The following ADGRE2 variants were observed in gnomAD, a reference collection of about 807,000 sequenced individuals.
ADGRE2 encodes CD97 antigen.
In ADGRE2, 83 loss-of-function variants were observed where a neutral mutation model predicts 100.8. That is an observed-to-expected ratio of 0.82 (90% CI 0.69 to 0.99). The LOEUF is 0.99. Among genes scored for constraint, ADGRE2 ranks in the 50% least tolerant of loss-of-function variants. The probability of loss-of-function intolerance (pLI) is 0.00; values close to 1 mark genes in which losing one functional copy is unlikely to be tolerated. For missense variants in ADGRE2, 814 were observed against 1,035.7 expected (o/e 0.79, Z 2.94); for synonymous variants, 355 against 413.0 (o/e 0.86, Z 1.70).
intron 11 of ADGRE2, among the ~76,000 whole-genome samples, chr19:14,761,046 A>C (rs1029332912): frequency 2.6e-5 from 4 of 152,196 alleles, no homozygotes; most frequent in Non-Finnish European, 4.4e-5. Flanking sequence ...GCATTTCTGG[A>C]CTGAACCAAT....
rs776195462 is a variant in ADGRE2, at chr19:14,766,196, T to C, written c.634+39A>G. The C allele has an allele frequency of 8.1e-6, 13 of 1,613,782 alleles. No individual in the cohort carries two copies. In the African/African-American group the frequency reaches 1.7e-4, roughly 22 times the overall value. Reference sequence around the variant, plus strand: ...GCGCCGTTGAACATGTGATCAGATGTTTGTGGGTCTCTGGGAACGTGGGAT... The same window carrying C: ...GCGCCGTTGAACATGTGATCAGATGCTTGTGGGTCTCTGGGAACGTGGGAT... On this transcript the variant is annotated intron_variant, in intron 7 of 20. Transcript: ENST00000315576.
intron 5 of ADGRE2, among the ~76,000 whole-genome samples, chr19:14,770,140 G>A (rs1428069760): frequency 6.6e-6 from 1 of 152,028 alleles, no homozygotes; most frequent in South Asian, 2.1e-4. Context: ...ATGGAGCCTC[G>A]TGGGAGGTGT....
downstream of ADGRE2, among the ~76,000 whole-genome samples, chr19:14,730,118 TCTCTGCTCACTGCAAC>T (rs1197189042): frequency 2.6e-5 from 4 of 152,190 alleles, no homozygotes; most frequent in Admixed American, 6.5e-5. Flanking sequence ...AATGGCACAA[TCTCTGCTCACTGCAAC>T]CTCTGCCTCC....
chr19:14,726,827 C>T, the ADGRE2 span, among the ~76,000 whole-genome samples: 1 of 152,114 alleles, frequency 6.6e-6, no homozygotes. Flanking sequence ...TGGTCACAAC[C>T]CTTTAACCAG....
chr19:14,737,684 A>C lies in ADGRE2; in HGVS notation c.2464-1440T>G, dbSNP rs192835149. ...TTGCAGTAAAGTATCTATCTGGGCC[A>C]GGTGTGGTGACTCACACCTGTAATC... On this transcript the variant is annotated intron_variant, in intron 20 of 20. Transcript: ENST00000315576. Among the ~76,000 whole-genome samples the C allele has an allele frequency of 9.9e-4, 150 of 152,218 alleles. 1 individual carries two copies. Among genetic ancestry groups the C allele is most frequent in the Middle Eastern group, 3.4e-3 (1 of 294 alleles).
rs139372786 is a variant in ADGRE2, at chr19:14,755,787, A to G, written c.1283T>C (p.Leu428Pro). Residue 428 changes from leucine to proline, a missense_variant, in exon 13 of 21, where the codon CTT becomes CCT. Coordinates refer to ENST00000315576, the MANE Select transcript of ADGRE2 (RefSeq NM_013447.4). ...CAAGCCCTGGTGTGTCTCATGCAGAAGCATCTGCTTCTCAGGTTCCAGGAC... is the reference window on the plus strand; with the variant it reads ...CAAGCCCTGGTGTGTCTCATGCAGAGGCATCTGCTTCTCAGGTTCCAGGAC... ...PLVLEPEKQM[L>P]LHETHQGLLQ... 955 of 1,614,170 alleles carry G rather than the reference A, an allele frequency of 5.9e-4. No individual in the cohort carries two copies. Among genetic ancestry groups the G allele is most frequent in the Non-Finnish European group, 6.3e-4 (748 of 1,180,012 alleles).
intron 20 of ADGRE2, among the ~76,000 whole-genome samples, chr19:14,738,682 T>C (rs1319767619): frequency 6.6e-6 from 1 of 152,058 alleles, no homozygotes; most frequent in Non-Finnish European, 1.5e-5. Context: ...CCAGCCTGAA[T>C]TCCTTTTTTC....
chr19:14,773,098 A>AAAAAAAAAAAAAAG (rs1568627146), intron 4 of ADGRE2, among the ~76,000 whole-genome samples: 4 of 84,128 alleles, frequency 4.8e-5, no homozygotes, highest in African/African-American at 1.9e-4. Flanking sequence ...AAAAAAAAAA[A>AAAAAAAAAAAAAAG]CAAAAAAAAA....
chr19:14,753,450 G>T (rs142505719), intron 14 of ADGRE2, among the ~76,000 whole-genome samples: 1 of 151,980 alleles, frequency 6.6e-6, no homozygotes, highest in Non-Finnish European at 1.5e-5. Flanking sequence ...CCTTTCTCCC[G>T]CAGGATATGA....
Position 14,756,359 on chromosome 19 carries a change from G to T in ADGRE2, c.1085-14C>A. On this transcript the variant is annotated splice_polypyrimidine_tract_variant and intron_variant, in intron 11 of 20. Transcript: ENST00000315576. The stretch of plus-strand genomic sequence containing the variant: ...CCAGGGACAATTCTATGAGTTGTGG[G>T]AATTACATAAGGGGGGTTAGGTTAG... 2 of 1,590,156 alleles carry T rather than the reference G, an allele frequency of 1.3e-6. No homozygotes were observed. The highest frequency in any genetic ancestry group is 1.1e-5 in the South Asian group (1 of 90,656).
In ADGRE2 at chr19:14,755,116, C is replaced by T. The variant is rs138210363; in HGVS notation, c.1428G>A (p.Pro476=). 42 of 1,613,630 alleles carry T rather than the reference C, an allele frequency of 2.6e-5. No homozygotes were observed. The African/African-American group carries it at 2.9e-4, about 11-fold the overall frequency. ...TFTFSHRSVI[P]RQKVLCVFWE... ...AGAAGACACAGAGCACCTTCTGTCT[C>T]GGGATCACTGACTGCAGGAACAGAA... Residue 476 remains proline, a synonymous_variant, in exon 14 of 21, where the codon CCG becomes CCA. Transcript: ENST00000315576.
intron 11 of ADGRE2, among the ~76,000 whole-genome samples, chr19:14,763,268 AG>A (rs1198466369): frequency 1.3e-5 from 2 of 152,022 alleles, no homozygotes; most frequent in Non-Finnish European, 2.9e-5. Context: ...CTGTCAACCC[AG>A]GAGGCGGAGC....
rs371849698 is a variant in ADGRE2 at position 14,773,879 on chromosome 19, GCA to G, written c.199+57_199+58del. 2.6e-3 allele frequency: 3,890 copies of G among 1,470,024 alleles called. 11 individuals carry two copies. Among genetic ancestry groups the G allele is most frequent in the Non-Finnish European group, 3.2e-3 (3,394 of 1,049,036 alleles). The allele number at this position is 1,470,024 out of a possible 1,614,324, so 91.1% of individuals were successfully genotyped here. ...TCACAACAACCTCTGTCCCCCACTG[GCA>G]CTGGGCTATGCCTCATAATCGCAGA... On this transcript the variant is annotated intron_variant, in intron 4 of 20. Transcript: ENST00000315576.
At position 14,743,766 on chromosome 19, in the gene ADGRE2, C is replaced by G. The variant is rs200359297; in HGVS notation, c.2202G>C (p.Ala734=). ...LRNTRMLAFK[A]TAQLFILGCT... is the part of the protein sequence containing the mutation. ...AGCCCAGGATGAACAGCTGAGCTGTCGCTTTAAATGCCAGCATCCTGGATT... is the reference window on the plus strand; with the variant it reads ...AGCCCAGGATGAACAGCTGAGCTGTGGCTTTAAATGCCAGCATCCTGGATT... The change falls in exon 19 of 21, where the codon GCG becomes GCC. Residue 734 remains alanine (A), a synonymous_variant. Coordinates refer to ENST00000315576, the MANE Select transcript of ADGRE2 (RefSeq NM_013447.4). 2.5e-6 allele frequency: 4 copies of G among 1,614,126 alleles called. No homozygotes were observed. Among genetic ancestry groups the G allele is most frequent in the Non-Finnish European group, 3.4e-6 (4 of 1,180,008 alleles).
chr19:14,768,429 G>A (rs2044071696), intron 5 of ADGRE2, among the ~76,000 whole-genome samples: 1 of 152,228 alleles, frequency 6.6e-6, no homozygotes, highest in Non-Finnish European at 1.5e-5. Context: ...GGCCCTGGGT[G>A]AAGGTTTAGT....
chr19:14,756,378 A>G (rs982090992), intron 11 of ADGRE2, 33 bp from the exon 12 acceptor site: 10 of 1,487,168 alleles, frequency 6.7e-6, no homozygotes, highest in Admixed American at 1.7e-5. Context: ...AAGGGGGGTT[A>G]GGTTAGGAAT....
chr19:14,739,755 C>T (rs920887754), intron 20 of ADGRE2, among the ~76,000 whole-genome samples: 1 of 151,970 alleles, frequency 6.6e-6, no homozygotes, highest in African/African-American at 2.4e-5. Context: ...TCTTGGTGAA[C>T]CCAATGTAAT....
intron 1 of ADGRE2, 181 bp from the exon 2 acceptor site, chr19:14,777,108 C>G: frequency 1.0e-6 from 1 of 985,388 alleles, no homozygotes; most frequent in African/African-American, 1.7e-5. Context: ...CCTCTGGCCT[C>G]TGTGTGTTCC....
At chr19:14,724,364 A>T in the ADGRE2 span, among the ~76,000 whole-genome samples, 1 of 152,172 alleles carries the variant, frequency 6.6e-6, no homozygotes, top group Non-Finnish European at 1.5e-5. Flanking sequence ...TGGGGAGCAC[A>T]TGGTTATAAC....
Sources: allele counts gnomAD v4.1 joint callset (sites outside exome capture counted in the v4.1 genomes callset), GRCh38; gene constraint gnomAD v4.1.1; transcripts MANE v1.5; gene names NCBI Gene and HGNC (gene_info 2026-07-23, HGNC 2026-07-21).